The following PBRM1 variants were observed in gnomAD, a reference collection of about 807,000 sequenced individuals.
The protein encoded by PBRM1 is protein polybromo-1.
A neutral mutation model predicts 194.5 loss-of-function variants in PBRM1; 27 were observed. The observed-to-expected ratio is 0.14, with a 90% CI of 0.10 to 0.19. The LOEUF is 0.19. Among genes scored for constraint, PBRM1 ranks in the 10% least tolerant of loss-of-function variants. PBRM1 has a pLI of 1.00. For missense variants in PBRM1, 1,466 were observed against 2,077.2 expected (o/e 0.71, Z 5.72); for synonymous variants, 655 against 693.2 (o/e 0.94, Z 0.87).
intron 17 of PBRM1, among the ~76,000 whole-genome samples, chr3:52,594,399 G>A (rs1304125951): frequency 6.6e-6 from 1 of 152,066 alleles, no homozygotes; most frequent in Non-Finnish European, 1.5e-5. Context: ...TACAACCCTT[G>A]CTTTTTTCTG....
chr3:52,628,852 A>C lies in PBRM1; in HGVS notation c.1443+42T>G, dbSNP rs377524543. 7.0e-6 allele frequency: 11 copies of C among 1,577,298 alleles called. No individual in the cohort carries two copies. In the African/African-American group the frequency reaches 1.3e-4, roughly 19 times the overall value. ...CACTCAAAACATGCAAAATTATTTT[A>C]ATCATATATACAACAAACTCAGCAA... is the stretch of plus-strand genomic sequence containing the variant. On this transcript the variant is annotated intron_variant, in intron 12 of 29. Coordinates refer to ENST00000296302, the Ensembl canonical transcript of PBRM1.
At chr3:52,614,373 C>CAAAAAAAAAAA (rs1165930996) in intron 15 of PBRM1, among the ~76,000 whole-genome samples, 13 of 40,904 alleles carry the variant, frequency 3.2e-4, no homozygotes, top group East Asian at 1.0e-3. Flanking sequence ...GATGCTTCAT[C>CAAAAAAAAAAA]AAAAAAAAAA....
At chr3:52,546,439 A>C (rs1330124281), downstream of PBRM1, 1 of 229,542 alleles carries the variant, frequency 4.4e-6, no homozygotes, top group East Asian at 6.3e-5. Flanking sequence ...CCAGTGGTTG[A>C]CTAAAGGCAA....
downstream of PBRM1, chr3:52,546,361 C>T (rs906853565): frequency 3.0e-5 from 7 of 230,830 alleles, no homozygotes; most frequent in African/African-American, 1.3e-4. Context: ...CAATAAGGTA[C>T]TGACACACTA....
chr3:52,579,992 A>G (rs1180846915), intron 20 of PBRM1, among the ~76,000 whole-genome samples: 1 of 152,202 alleles, frequency 6.6e-6, no homozygotes, highest in African/African-American at 2.4e-5. Context: ...TCATAACCCC[A>G]GCACACTGGG....
At chr3:52,556,876 T>C (rs2082329874) in intron 26 of PBRM1, among the ~76,000 whole-genome samples, 1 of 151,568 alleles carries the variant, frequency 6.6e-6, no homozygotes, top group South Asian at 2.1e-4. Flanking sequence ...TCCTCATCCA[T>C]AGAGTTCTAT....
At chr3:52,656,579 C>T (rs1405522992) in intron 5 of PBRM1, among the ~76,000 whole-genome samples, 3 of 152,156 alleles carry the variant, frequency 2.0e-5, no homozygotes, top group East Asian at 1.9e-4. Flanking sequence ...GCAGGACAAT[C>T]GCTTGAACTC....
intron 1 of PBRM1, 92 bp downstream of exon 2, chr3:52,679,482 G>A (rs1227002055): frequency 3.8e-5 from 43 of 1,132,668 alleles, no homozygotes; most frequent in Non-Finnish European, 5.3e-5. Context: ...AAAAAGTGGA[G>A]ATGCCTTGCA....
intron 11 of PBRM1, among the ~76,000 whole-genome samples, chr3:52,631,597 TG>T: frequency 6.6e-6 from 1 of 152,162 alleles, no homozygotes; most frequent in Admixed American, 6.6e-5. Flanking sequence ...AGCATGATCT[TG>T]GCTCACTGCA....
rs1216549634 is a variant in PBRM1 at position 52,646,900 on chromosome 3, AATAG to A, written c.813+1440_813+1443del. On this transcript the variant is annotated intron_variant, in intron 7 of 29. Transcript: ENST00000296302. ...TTAAGCATTAGCAACCAAAGAAAAA[AATAG>A]ATAAAGTGAACTTCAAAATGAAAAA... Among the ~76,000 whole-genome samples, 20 of 152,320 alleles carry A rather than the reference AATAG, an allele frequency of 1.3e-4. No individual in the cohort carries two copies. In the South Asian group the frequency reaches 1.5e-3, roughly 11 times the overall value.
chr3:52,606,844 C>G (rs2094372211), intron 16 of PBRM1, among the ~76,000 whole-genome samples: 1 of 152,238 alleles, frequency 6.6e-6, no homozygotes, highest in Non-Finnish European at 1.5e-5. Context: ...GGAAAGCCAG[C>G]AGCCAACTGG....
intron 10 of PBRM1, among the ~76,000 whole-genome samples, chr3:52,639,957 TATCTTC>T (rs2096007357): frequency 6.6e-6 from 1 of 152,202 alleles, no homozygotes; most frequent in South Asian, 2.1e-4. Context: ...TTCAAATCTC[TATCTTC>T]ATTCGTTTTC....
intron 10 of PBRM1, among the ~76,000 whole-genome samples, chr3:52,636,479 T>C (rs899856110): frequency 6.6e-6 from 1 of 151,556 alleles, no homozygotes; most frequent in Non-Finnish European, 1.5e-5. Flanking sequence ...GAATTTAGGC[T>C]GGGCACGGTG....
intron 17 of PBRM1, among the ~76,000 whole-genome samples, chr3:52,589,532 T>A (rs999690507): frequency 4.6e-5 from 7 of 152,158 alleles, no homozygotes; most frequent in African/African-American, 1.4e-4. Flanking sequence ...TAATATATGA[T>A]CATATGGACA....
intron 17 of PBRM1, among the ~76,000 whole-genome samples, chr3:52,598,050 A>C (rs985127509): frequency 4.9e-4 from 74 of 152,232 alleles, no homozygotes; most frequent in African/African-American, 1.7e-3. Flanking sequence ...TACTTCTGGG[A>C]GACTTCTTCA....
chr3:52,628,800 G>C (rs979035713), intron 12 of PBRM1, 94 bp downstream of exon 13: 1 of 1,103,174 alleles, frequency 9.1e-7, no homozygotes, highest in African/African-American at 1.6e-5. Context: ...GCTGAGGGTG[G>C]GGGGGATCAC....
chr3:52,643,204 T>C (rs1461119602), intron 9 of PBRM1, 44 bp downstream of exon 10: 3 of 1,370,902 alleles, frequency 2.2e-6, no homozygotes, highest in Non-Finnish European at 2.1e-6. Context: ...TGCCTATCTT[T>C]ATAAGCACAG....
chr3:52,550,640 G>A lies in PBRM1; in HGVS notation c.4681-3C>T. On this transcript the variant is annotated splice_region_variant and splice_polypyrimidine_tract_variant and intron_variant, in intron 28 of 29. Coordinates refer to ENST00000296302, the Ensembl canonical transcript of PBRM1. The stretch of plus-strand genomic sequence containing the variant: ...CCTGGAGGCCCCAAAACTCCCACCT[G>A]AAAGAGCACAGGACCACATGGTGAG... 3 of 1,528,106 alleles carry A rather than the reference G, an allele frequency of 2.0e-6. No individual in the cohort carries two copies. Among genetic ancestry groups the A allele is most frequent in the Non-Finnish European group, 2.6e-6 (3 of 1,136,518 alleles). 94.7% of individuals were successfully genotyped at this position (1,528,106 alleles called of 1,614,324 possible).
At chr3:52,628,647 T>C (rs1336947466) in intron 12 of PBRM1, among the ~76,000 whole-genome samples, 1 of 151,668 alleles carries the variant, frequency 6.6e-6, no homozygotes, top group Non-Finnish European at 1.5e-5. Context: ...ATTTTTGCAG[T>C]TTTTGTAGAG....
Sources: allele counts gnomAD v4.1 joint callset (sites outside exome capture counted in the v4.1 genomes callset), GRCh38; gene constraint gnomAD v4.1.1; transcripts MANE v1.5; gene names NCBI Gene and HGNC (gene_info 2026-07-23, HGNC 2026-07-21).